ANXA4: variants seen among roughly 807,000 people sequenced by gnomAD.
The protein encoded by ANXA4 is 35-beta calcimedin.
A neutral mutation model predicts 49.8 loss-of-function variants in ANXA4; 39 were observed. The ratio of observed to expected loss-of-function variants is 0.78; its 90% confidence interval spans 0.61 to 1.02. ANXA4 has a LOEUF of 1.02. Among genes scored for constraint, ANXA4 ranks in the 50% least tolerant of loss-of-function variants. The probability of loss-of-function intolerance (pLI) is 0.00; values close to 1 mark genes in which losing one functional copy is unlikely to be tolerated. For synonymous variants in ANXA4, 134 were observed against 152.5 expected, an observed-to-expected ratio of 0.88 and a Z score of 0.89; for missense variants, 360 against 410.1, an observed-to-expected ratio of 0.88 and a Z score of 1.05.
chr2:69,668,835 T>C (rs1473707268), intron 2 of ANXA4, among the ~76,000 whole-genome samples: 3 of 152,300 alleles, frequency 2.0e-5, no homozygotes, highest in Middle Eastern at 3.4e-3. Context: ...TCCCACAAGA[T>C]GGTAAACGCT....
intron 1 of ANXA4, chr2:69,652,873 G>A (rs868563908): frequency 6.6e-6 from 1 of 152,138 alleles, no homozygotes; most frequent in Non-Finnish European, 1.5e-5. Context: ...AAAAAGGAAA[G>A]AATTTAGCTA....
chr2:69,682,180 C>T (rs1207750674), intron 2 of ANXA4, among the ~76,000 whole-genome samples: 1 of 152,134 alleles, frequency 6.6e-6, no homozygotes, highest in Non-Finnish European at 1.5e-5. Context: ...TCCTTGAAGG[C>T]ATCTTTAGAT....
chr2:69,785,742 C>T (rs1043606773), intron 2 of ANXA4, among the ~76,000 whole-genome samples: 2 of 152,134 alleles, frequency 1.3e-5, no homozygotes, highest in African/African-American at 2.4e-5. Flanking sequence ...AAGATTCATA[C>T]CCCACTCCAG....
intron 2 of ANXA4, among the ~76,000 whole-genome samples, chr2:69,669,191 C>T (rs1472075705): frequency 6.6e-6 from 1 of 150,994 alleles, no homozygotes; most frequent in South Asian, 2.1e-4. Flanking sequence ...GTGATCCACC[C>T]GCCTCGGCCT....
At chr2:69,771,597 T>G (rs191865606) in intron 1 of ANXA4, among the ~76,000 whole-genome samples, 166 of 152,354 alleles carry the variant, frequency 1.1e-3, no homozygotes, top group Non-Finnish European at 1.1e-3. Flanking sequence ...CCTCCACATA[T>G]AGCCTACTAA....
chr2:69,681,242 G>A (rs547979148), intron 2 of ANXA4, among the ~76,000 whole-genome samples: 1 of 151,974 alleles, frequency 6.6e-6, no homozygotes, highest in African/African-American at 2.4e-5. Context: ...GGCTGTATGT[G>A]TCCAATAATT....
At chr2:69,815,615 C>G (rs1673953181) in intron 8 of ANXA4, 1 of 152,952 alleles carries the variant, frequency 6.5e-6, no homozygotes, top group African/African-American at 2.4e-5. Flanking sequence ...CATTCTAGAG[C>G]AGGGCTATCC....
intron 1 of ANXA4, among the ~76,000 whole-genome samples, chr2:69,776,377 C>T (rs1264645054): frequency 6.6e-6 from 1 of 152,202 alleles, no homozygotes; most frequent in Non-Finnish European, 1.5e-5. Context: ...TGTTCTTTCT[C>T]TTCCCAAACC....
intron 8 of ANXA4, chr2:69,814,743 GGTGTGTGT>G (rs754855168): frequency 0.021 from 2,618 of 123,540 alleles, 31 homozygotes; most frequent in Non-Finnish European, 0.029. Context: ...GACACAGAGG[GGTGTGTGT>G]GTGTGTGTGT....
chr2:69,752,632 C>T, intron 1 of ANXA4, among the ~76,000 whole-genome samples: 1 of 152,240 alleles, frequency 6.6e-6, no homozygotes, highest in Non-Finnish European at 1.5e-5. Flanking sequence ...TATCTGATCA[C>T]ATACCTGCCT....
At chr2:69,682,257 C>G (rs997989949) in intron 2 of ANXA4, among the ~76,000 whole-genome samples, 21 of 152,168 alleles carry the variant, frequency 1.4e-4, no homozygotes, top group African/African-American at 5.1e-4. Flanking sequence ...CCTCTTAGCA[C>G]TGCTTTTGCT....
intron 3 of ANXA4, among the ~76,000 whole-genome samples, chr2:69,722,997 T>C (rs373768385): frequency 2.8e-5 from 4 of 141,258 alleles, no homozygotes; most frequent in African/African-American, 8.0e-5. Context: ...ATGATGAAAC[T>C]CCATCTCTAC....
intron 3 of ANXA4, among the ~76,000 whole-genome samples, chr2:69,801,721 T>G (rs1673202578): frequency 6.6e-6 from 1 of 152,156 alleles, no homozygotes; most frequent in Non-Finnish European, 1.5e-5. Flanking sequence ...ACTATCTGCT[T>G]AAACAATTTC....
At chr2:69,685,919 A>G (rs1275672422) in intron 2 of ANXA4, among the ~76,000 whole-genome samples, 2 of 152,254 alleles carry the variant, frequency 1.3e-5, no homozygotes, top group Middle Eastern at 3.4e-3. Flanking sequence ...GCCAGTTTCA[A>G]GGTACTGACT....
At chr2:69,707,044 A>G (rs1410285435) in intron 2 of ANXA4, among the ~76,000 whole-genome samples, 1 of 152,060 alleles carries the variant, frequency 6.6e-6, no homozygotes, top group Non-Finnish European at 1.5e-5. Flanking sequence ...GCTAGATTCG[A>G]TTTGCTAGTA....
chr2:69,774,515 T>A (rs1370620066), intron 1 of ANXA4, among the ~76,000 whole-genome samples: 1 of 151,796 alleles, frequency 6.6e-6, no homozygotes, highest in Non-Finnish European at 1.5e-5. Flanking sequence ...ATTGTTTGTA[T>A]ATTTAGTAGA....
At chr2:69,663,805 AG>A (rs924735825) in intron 2 of ANXA4, among the ~76,000 whole-genome samples, 2 of 152,258 alleles carry the variant, frequency 1.3e-5, no homozygotes, top group Admixed American at 1.3e-4. Context: ...TAGAATGCAT[AG>A]GCAAAAGGCA....
chr2:69,778,578 C>T (rs989655165), intron 1 of ANXA4, among the ~76,000 whole-genome samples: 1 of 152,066 alleles, frequency 6.6e-6, no homozygotes, highest in African/African-American at 2.4e-5. Flanking sequence ...GAGTTCGAGA[C>T]CAGCCTGACC....
Position 69,758,526 on chromosome 2 carries a change from A to T in ANXA4, c.-47+16351A>T, listed in dbSNP as rs61647804. 2.1e-3 allele frequency among the ~76,000 whole-genome samples: 315 copies of T among 152,154 alleles called. 1 individual carries two copies. The highest frequency in any genetic ancestry group is 7.4e-3 in the African/African-American group (306 of 41,520). ...AGTCCCAGCTACTCAACAGGCTGAG[A>T]TGGGAGGATTGTTTGAGCCCAGAAG... On this transcript the variant is annotated intron_variant, in intron 1 of 12. Transcript: ENST00000394295.
Sources: allele counts gnomAD v4.1 joint callset (sites outside exome capture counted in the v4.1 genomes callset), GRCh38; gene constraint gnomAD v4.1.1; transcripts MANE v1.5; gene names NCBI Gene and HGNC (gene_info 2026-07-23, HGNC 2026-07-21).